DIAPH2: variants seen among roughly 807,000 people sequenced by gnomAD.
DIAPH2 encodes diaphanous related formin 2, also known as protein diaphanous homolog 2.
Under a neutral mutation model 92.7 loss-of-function variants are expected in DIAPH2, and 35 were observed. That is an observed-to-expected ratio of 0.38 (90% confidence interval 0.29 to 0.50). The LOEUF (loss-of-function observed/expected upper bound fraction) is 0.50, where lower values mean the gene tolerates loss of function less well. Ranked by LOEUF, DIAPH2 falls within the 20% of genes least tolerant of loss-of-function variation. The pLI is 0.94. For missense variants in DIAPH2, 701 were observed against 819.5 expected, an observed-to-expected ratio of 0.86 and a Z score of 1.77; for synonymous variants, 301 against 280.4, an observed-to-expected ratio of 1.07 and a Z score of -0.73.
At chrX:97,170,900 G>GAATA (rs2067448075) in intron 22 of DIAPH2, among the ~76,000 whole-genome samples, 1 of 107,766 alleles carries the variant, frequency 9.3e-6, no homozygotes, top group African/African-American at 3.3e-5. Flanking sequence ...TTTTTGAGAT[G>GAATA]GAGTCTCGCT....
chrX:97,421,048 A>C (rs977944611), intron 25 of DIAPH2, among the ~76,000 whole-genome samples: 1 of 112,069 alleles, frequency 8.9e-6, no homozygotes, highest in Non-Finnish European at 1.9e-5. Context: ...ACAAACTAAC[A>C]AAATCCTCTT....
chrX:97,313,511 C>T (rs1261531577), intron 23 of DIAPH2, among the ~76,000 whole-genome samples: 3 of 112,095 alleles, frequency 2.7e-5, no homozygotes, highest in Non-Finnish European at 3.8e-5. Context: ...TCTTTCATGA[C>T]TTCCTCTCAC....
intron 23 of DIAPH2, among the ~76,000 whole-genome samples, chrX:97,344,854 T>C (rs2069142914): frequency 8.9e-6 from 1 of 112,425 alleles, no homozygotes; most frequent in African/African-American, 3.2e-5. Context: ...TCTTTGGCTT[T>C]TTCTCTGTGT....
At chrX:97,271,813 G>GCGCACACA (rs1556014792) in intron 23 of DIAPH2, among the ~76,000 whole-genome samples, 1 of 91,542 alleles carries the variant, frequency 1.1e-5, no homozygotes, top group African/African-American at 4.0e-5. Flanking sequence ...ATATATATAT[G>GCGCACACA]CACACACACA....
intron 26 of DIAPH2, among the ~76,000 whole-genome samples, chrX:97,548,485 T>C (rs762257531): frequency 8.9e-6 from 1 of 112,271 alleles, no homozygotes; most frequent in Non-Finnish European, 1.9e-5. Context: ...CCACAAGCCA[T>C]GTTGCTTTTC....
At chrX:97,097,318 G>A (rs368975551) in intron 19 of DIAPH2, among the ~76,000 whole-genome samples, 2 of 111,807 alleles carry the variant, frequency 1.8e-5, no homozygotes, top group Non-Finnish European at 3.8e-5. Flanking sequence ...TGCATCTGCC[G>A]CACATTTGAG....
chrX:97,244,802 G>A, intron 22 of DIAPH2, among the ~76,000 whole-genome samples: 1 of 112,032 alleles, frequency 8.9e-6, no homozygotes, highest in African/African-American at 3.2e-5. Context: ...AGCAAAGTTA[G>A]CTCTCAGGCC....
At chrX:96,809,167 C>T (rs1248894873) in intron 4 of DIAPH2, among the ~76,000 whole-genome samples, 10 of 110,962 alleles carry the variant, frequency 9.0e-5, no homozygotes, top group Non-Finnish European at 1.1e-4. Context: ...TTTTCCTCTC[C>T]GTCTTCTCTC....
At chrX:97,119,146 C>G (rs945727256) in intron 21 of DIAPH2, among the ~76,000 whole-genome samples, 2 of 110,517 alleles carry the variant, frequency 1.8e-5, no homozygotes, top group African/African-American at 6.6e-5. Flanking sequence ...GGTCCTATTA[C>G]CAGAGTTGGT....
chrX:97,491,839 T>C (rs2070727697), intron 26 of DIAPH2, among the ~76,000 whole-genome samples: 3 of 112,101 alleles, frequency 2.7e-5, no homozygotes, highest in African/African-American at 9.7e-5. Flanking sequence ...TGTAGTGATA[T>C]GCTTTGGTTC....
intron 25 of DIAPH2, among the ~76,000 whole-genome samples, chrX:97,416,629 A>G (rs2069949830): frequency 8.9e-6 from 1 of 112,021 alleles, no homozygotes; most frequent in African/African-American, 3.2e-5. Flanking sequence ...AAGTCGTAAC[A>G]TTAATGAGTC....
intron 1 of DIAPH2, among the ~76,000 whole-genome samples, chrX:96,719,339 T>C (rs1041409946): frequency 2.7e-5 from 3 of 112,254 alleles, no homozygotes; most frequent in African/African-American, 9.7e-5. Flanking sequence ...TTGTGGAATA[T>C]TATGCAAGTA....
chrX:97,447,802 G>C (rs113452768), intron 26 of DIAPH2, among the ~76,000 whole-genome samples: 1 of 112,039 alleles, frequency 8.9e-6, no homozygotes, highest in Admixed American at 9.5e-5. Context: ...TTTGACTTGC[G>C]TGTGGGGCAG....
intron 1 of DIAPH2, among the ~76,000 whole-genome samples, chrX:96,685,735 C>G (rs1320767968): frequency 8.9e-6 from 1 of 112,054 alleles, no homozygotes; most frequent in African/African-American, 3.3e-5. Context: ...TCCTCCTTGC[C>G]TCTCTCCATG....
chrX:97,428,577 C>G (rs2070095271), intron 25 of DIAPH2, among the ~76,000 whole-genome samples: 1 of 111,258 alleles, frequency 9.0e-6, no homozygotes, highest in Non-Finnish European at 1.9e-5. Flanking sequence ...GATCTCATAC[C>G]CCATAGTTAA....
intron 4 of DIAPH2, among the ~76,000 whole-genome samples, chrX:96,821,348 A>C (rs1401140848): frequency 1.8e-5 from 2 of 111,325 alleles, no homozygotes; most frequent in African/African-American, 6.5e-5. Context: ...CTCCTGGTGA[A>C]GCAGCAGAAC....
At chrX:96,730,848 T>G (rs907122104) in intron 1 of DIAPH2, among the ~76,000 whole-genome samples, 1 of 110,787 alleles carries the variant, frequency 9.0e-6, no homozygotes, top group Non-Finnish European at 1.9e-5. Flanking sequence ...CAAGGCTGTT[T>G]ATTTCACCTG....
intron 3 of DIAPH2, among the ~76,000 whole-genome samples, chrX:96,745,455 A>G (rs781424825): frequency 8.9e-6 from 1 of 112,387 alleles, no homozygotes; most frequent in African/African-American, 3.2e-5. Flanking sequence ...TAAAAACTTA[A>G]CAAAAGATAA....
intron 16 of DIAPH2, among the ~76,000 whole-genome samples, chrX:96,962,408 TATATATATACACATATATATAC>T (rs2065864193): frequency 1.1e-4 from 6 of 53,231 alleles, no homozygotes; most frequent in Non-Finnish European, 2.0e-4. Context: ...TATATACACA[TATATATATACACATATATATAC>T]ATATATATAT....
Sources: allele counts gnomAD v4.1 joint callset (sites outside exome capture counted in the v4.1 genomes callset), GRCh38; gene constraint gnomAD v4.1.1; transcripts MANE v1.5; gene names NCBI Gene and HGNC (gene_info 2026-07-23, HGNC 2026-07-21).